Variants in CD2AP observed in about 807,000 individuals in gnomAD.
CD2AP encodes CD2-associated protein.
In CD2AP, 46 loss-of-function variants were observed where a neutral mutation model predicts 85.1. The observed-to-expected ratio is 0.54, with a 90% confidence interval of 0.43 to 0.69. The LOEUF (loss-of-function observed/expected upper bound fraction) is 0.69. CD2AP is among the 30% of genes least tolerant of loss of function. The pLI, the probability that CD2AP is intolerant of heterozygous loss-of-function variation, is 0.00. For synonymous variants in CD2AP, 255 were observed against 252.9 expected, an observed-to-expected ratio of 1.01 and a Z score of -0.08; for missense variants, 769 against 729.5, an observed-to-expected ratio of 1.05 and a Z score of -0.62.
At chr6:47,618,473 T>A (rs529964627) in intron 17 of CD2AP, among the ~76,000 whole-genome samples, 4 of 152,316 alleles carry the variant, frequency 2.6e-5, no homozygotes, top group African/African-American at 7.2e-5. Context: ...TGTTTTTTTT[T>A]ATCTTTGCTC....
chr6:47,603,491 G>T (rs945315053), intron 13 of CD2AP, among the ~76,000 whole-genome samples: 1 of 151,856 alleles, frequency 6.6e-6, no homozygotes, highest in African/African-American at 2.4e-5. Flanking sequence ...AAACTGTCTT[G>T]GTGTTCAGTG....
chr6:47,508,556 T>G (rs561675126), intron 2 of CD2AP, among the ~76,000 whole-genome samples: 2 of 148,392 alleles, frequency 1.3e-5, no homozygotes, highest in South Asian at 2.1e-4. Flanking sequence ...GTTTTTTTTT[T>G]TTTTTTTGGG....
At chr6:47,598,101 A>G (rs1476994537) in intron 12 of CD2AP, among the ~76,000 whole-genome samples, 1 of 151,118 alleles carries the variant, frequency 6.6e-6, no homozygotes, top group East Asian at 1.9e-4. Context: ...ACATGAATAG[A>G]CAGTTCTCAA....
At chr6:47,565,980 T>C (rs1383190071) in intron 5 of CD2AP, among the ~76,000 whole-genome samples, 2 of 152,122 alleles carry the variant, frequency 1.3e-5, no homozygotes, top group Non-Finnish European at 2.9e-5. Context: ...TCATCTCTTA[T>C]TTAACTTTCC....
intron 11 of CD2AP, among the ~76,000 whole-genome samples, chr6:47,585,118 C>T (rs1195814966): frequency 1.3e-5 from 2 of 151,568 alleles, no homozygotes; most frequent in Non-Finnish European, 2.9e-5. Flanking sequence ...ACGGTGAAAC[C>T]CCGTCTCTAC....
chr6:47,497,836 A>C (rs909282606), intron 1 of CD2AP, among the ~76,000 whole-genome samples: 14 of 152,224 alleles, frequency 9.2e-5, no homozygotes, highest in African/African-American at 3.1e-4. Flanking sequence ...GATAGCATAC[A>C]GTTTTACAGT....
intron 3 of CD2AP, among the ~76,000 whole-genome samples, chr6:47,534,536 A>G (rs1408233040): frequency 6.6e-6 from 1 of 152,036 alleles, no homozygotes; most frequent in Non-Finnish European, 1.5e-5. Context: ...GTAAAACCCC[A>G]TCTCTACTAA....
intron 12 of CD2AP, among the ~76,000 whole-genome samples, chr6:47,597,033 G>T (rs1768970612): frequency 7.2e-6 from 1 of 139,120 alleles, no homozygotes; most frequent in East Asian, 1.9e-4. Context: ...TCACAGGCAG[G>T]TTCTGGGAAT....
chr6:47,616,854 G>C (rs971924189), intron 17 of CD2AP, among the ~76,000 whole-genome samples: 2 of 152,180 alleles, frequency 1.3e-5, no homozygotes, highest in Non-Finnish European at 2.9e-5. Context: ...TTCAGTGCCT[G>C]CAACAGATCA....
chr6:47,544,185 C>T (rs1017574279), intron 3 of CD2AP, among the ~76,000 whole-genome samples: 1 of 152,148 alleles, frequency 6.6e-6, no homozygotes, highest in Non-Finnish European at 1.5e-5. Flanking sequence ...CATCTTACTG[C>T]TTCTTTCTAT....
chr6:47,502,594 A>G (rs1215369628), intron 1 of CD2AP, among the ~76,000 whole-genome samples: 1 of 151,602 alleles, frequency 6.6e-6, no homozygotes, highest in Non-Finnish European at 1.5e-5. Flanking sequence ...CCTGGGTTCA[A>G]GCTATTCTCC....
chr6:47,529,520 G>A (rs1766816548), intron 2 of CD2AP, among the ~76,000 whole-genome samples: 1 of 152,090 alleles, frequency 6.6e-6, no homozygotes, highest in South Asian at 2.1e-4. Context: ...ATAGGCTCTG[G>A]CCACTGGAAA....
intron 17 of CD2AP, among the ~76,000 whole-genome samples, chr6:47,616,581 A>C (rs1769591875): frequency 6.6e-6 from 1 of 152,218 alleles, no homozygotes. Flanking sequence ...CTCTATTGGC[A>C]ACTTCACTAC....
At chr6:47,606,099 A>T (rs556871558) in intron 13 of CD2AP, 66 bp from the exon 14 acceptor site, 1 of 865,836 alleles carries the variant, frequency 1.2e-6, no homozygotes, top group Non-Finnish European at 1.9e-6. Flanking sequence ...AAAAACTGAA[A>T]CATTATTTTT....
chr6:47,531,623 T>C (rs1446978837), intron 2 of CD2AP, among the ~76,000 whole-genome samples: 6 of 151,784 alleles, frequency 4.0e-5, no homozygotes, highest in African/African-American at 1.2e-4. Flanking sequence ...TCTCAAATTT[T>C]GGAAATGATA....
rs1767633444 is a variant in CD2AP at position 47,554,748 on chromosome 6, G to A, written c.523G>A (p.Glu175Lys). The A allele has an allele frequency of 6.2e-7, 1 of 1,613,298 alleles. No individual in the cohort carries two copies. Among genetic ancestry groups the A allele is most frequent in the African/African-American group, 1.3e-5 (1 of 74,888 alleles). The change falls in exon 5 of 18, where the codon GAA becomes AAA. Residue 175 changes from glutamate (E) to lysine (K), a missense_variant. Transcript: ENST00000359314. ...GGTAACAGATGATGGTGAAACTCATGAAGCCCAGGACGATTCAGGTAGACT... is the reference window on the plus strand; with the variant it reads ...GGTAACAGATGATGGTGAAACTCATAAAGCCCAGGACGATTCAGGTAGACT... ...LEVTDDGETHEAQDDSETVLA... is the reference protein window; with the variant it reads ...LEVTDDGETHKAQDDSETVLA...
chr6:47,574,106 G>C lies in CD2AP; in HGVS notation c.584G>C (p.Gly195Ala). The C allele has an allele frequency of 6.2e-7, 1 of 1,614,032 alleles. No individual in the cohort carries two copies. Among genetic ancestry groups the C allele is most frequent in the East Asian group, 2.2e-5 (1 of 44,846 alleles). ...AGPTSPIPSL[G>A]NVSETASGSV... Reference sequence around the variant, plus strand: ...CCTACTTCACCTATACCTTCTCTGGGAAATGTGAGTGAAACTGCATCTGGA... The same window carrying C: ...CCTACTTCACCTATACCTTCTCTGGCAAATGTGAGTGAAACTGCATCTGGA... The change falls in exon 6 of 18, where the codon GGA becomes GCA. Residue 195 changes from glycine to alanine, a missense_variant. Transcript: ENST00000359314.
intron 2 of CD2AP, among the ~76,000 whole-genome samples, chr6:47,527,283 C>T (rs1447247737): frequency 1.3e-5 from 2 of 152,176 alleles, no homozygotes; most frequent in Admixed American, 1.3e-4. Flanking sequence ...TGTTGCTGCT[C>T]TTGGTCTGTC....
intron 3 of CD2AP, among the ~76,000 whole-genome samples, chr6:47,540,174 C>CAAAAA (rs373888400): frequency 1.8e-5 from 1 of 55,650 alleles, no homozygotes; most frequent in Non-Finnish European, 3.7e-5. Context: ...GGCCCTGTCT[C>CAAAAA]AAAAAAAAAA....
Sources: gnomAD v4.1 joint callset for allele counts (sites outside exome capture counted in the v4.1 genomes callset) on GRCh38, gnomAD v4.1.1 for gene constraint, MANE v1.5 for transcripts, NCBI Gene and HGNC (gene_info 2026-07-23, HGNC 2026-07-21) for gene names.